ZAN: variants seen among roughly 807,000 people sequenced by gnomAD.
The protein encoded by ZAN is zonadhesin (gene/pseudogene).
ZAN carries 260 observed loss-of-function variants against 286.2 expected under a neutral mutation model. The observed-to-expected ratio is 0.91, with a 90% CI of 0.82 to 1.01. The LOEUF is 1.01. Ranked by LOEUF, ZAN falls within the 50% of genes least tolerant of loss-of-function variation. The pLI is 0.00. For synonymous variants in ZAN, 1,368 were observed against 1,417.5 expected (o/e 0.97, Z 0.79); for missense variants, 3,410 against 3,639.2 (o/e 0.94, Z 1.62).
chr7:100,793,928 G>C lies in ZAN; in HGVS notation c.7896G>C (p.Arg2632Ser), dbSNP rs778439945. The C allele has an allele frequency of 2.5e-6, 4 of 1,613,838 alleles. No individual in the cohort carries two copies. Among genetic ancestry groups the C allele is most frequent in the African/African-American group, 2.7e-5 (2 of 74,942 alleles). Reference sequence around the variant, plus strand: ...GACTGCGAGGGCCCCTGCGTGGAAGGCTGCGCCAGCATCCCAGGCTATGCC... The same window carrying C: ...GACTGCGAGGGCCCCTGCGTGGAAGCCTGCGCCAGCATCCCAGGCTATGCC... ...PRGLRGPLRG[R>S]LRQHPRLCLQ... The change falls in exon 43 of 48, where the codon AGG (arginine) becomes AGC (serine). Residue 2632 changes from arginine to serine, a missense_variant. Around this residue, in one of 7 missense-constraint regions of ZAN, gnomAD observed 1,289 missense variants for 1,314.3 expected, o/e 0.98. Transcript: ENST00000613979.
rs140799833 is a variant in ZAN, at chr7:100,785,483, G to A, written c.6835-514G>A. Among the ~76,000 whole-genome samples, 1,156 of 151,950 alleles carry A rather than the reference G, an allele frequency of 7.6e-3. 2 individuals are homozygous for A. The highest frequency in any genetic ancestry group is 0.013 in the Non-Finnish European group (871 of 67,966). ...TGACCTCAAGTGATCTGCCCGCCTT[G>A]GCCTCCCAAAGTACTAAGATTACAG... On this transcript the variant is annotated intron_variant, in intron 36 of 47. Coordinates refer to ENST00000613979, the MANE Select transcript of ZAN (RefSeq NM_003386.3).
intron 42 of ZAN, 36 bp downstream of exon 42, chr7:100,792,515 T>G (rs761243586): frequency 1.4e-5 from 23 of 1,612,248 alleles, no homozygotes; most frequent in Admixed American, 1.3e-4. Context: ...GGCGCTGCCC[T>G]GGCTGGCTGG....
chr7:100,795,164 C>T (rs755867067), intron 44 of ZAN, 32 bp from the exon 45 acceptor site: 21 of 1,591,420 alleles, frequency 1.3e-5, no homozygotes, highest in Admixed American at 1.7e-5. Context: ...CCTCCCAGGG[C>T]CCCCCTCCCA....
intron 21 of ZAN, 24 bp from the exon 22 acceptor site, chr7:100,764,003 C>G (rs772978538): frequency 1.9e-6 from 3 of 1,613,864 alleles, no homozygotes; most frequent in Non-Finnish European, 2.5e-6. Context: ...ACTGCATTCC[C>G]CCTGACTTGG....
Position 100,763,844 on chromosome 7 carries a change from A to G in ZAN, c.4025A>G (p.Asp1342Gly). 1 of 1,613,984 alleles carries G rather than the reference A, an allele frequency of 6.2e-7. No individual in the cohort carries two copies. The highest frequency in any genetic ancestry group is 8.5e-7 in the Non-Finnish European group (1 of 1,179,886). Reference sequence around the variant, plus strand: ...CAGGTGGTGAATTCCCCGTCTTGTGATTCATCTCTGCAGAGCAGCATGTCG... The same window carrying G: ...CAGGTGGTGAATTCCCCGTCTTGTGGTTCATCTCTGCAGAGCAGCATGTCG... ...KYQVVNSPSC[D>G]SSLQSSMSGP... The change falls in exon 21 of 48, where the codon GAT becomes GGT. Residue 1342 changes from aspartate to glycine, a missense_variant. Coordinates refer to ENST00000613979, the MANE Select transcript of ZAN (RefSeq NM_003386.3). This position sits in a 1 kb window ranked among gnomAD's most constrained non-coding sequence, Gnocchi z 4.6.
chr7:100,734,321 C>T, intron 2 of ZAN, 100 bp downstream of exon 2: 1 of 890,568 alleles, frequency 1.1e-6, no homozygotes, highest in Non-Finnish European at 1.6e-6. Flanking sequence ...AGGCTAACTA[C>T]AAAAGATCTG....
chr7:100,744,944 C>T lies in ZAN; in HGVS notation c.767-1594C>T, dbSNP rs374767248. On this transcript the variant is annotated intron_variant, in intron 7 of 47. Transcript: ENST00000613979. ...TGTCGCCCAGGCTGGAGTGCGGTGA[C>T]GCGATCTCAGCTCACTGCAACCTCC... is the stretch of plus-strand genomic sequence containing the variant. 4.4e-4 allele frequency among the ~76,000 whole-genome samples: 67 copies of T among 150,900 alleles called. 1 individual carries two copies. In the East Asian group the frequency reaches 9.2e-3, roughly 21 times the overall value.
chr7:100,748,024 G>A (rs1394612108), intron 9 of ZAN, 113 bp from the exon 10 acceptor site: 1 of 822,960 alleles, frequency 1.2e-6, no homozygotes, highest in Non-Finnish European at 2.0e-6. Context: ...CTGAATTGAG[G>A]GTCTGGGCAC....
chr7:100,788,145 T>C lies in ZAN; in HGVS notation c.7227+9T>C. On this transcript the variant is annotated intron_variant, in intron 38 of 47. Transcript: ENST00000613979. ...CTGGTCTGGAGCTTGTGGTAAGAGC[T>C]GGGCCAGGGCCTGGTGGGTGTGGGG... 1 of 1,476,416 alleles carries C rather than the reference T, an allele frequency of 6.8e-7. No homozygotes were observed. The highest frequency in any genetic ancestry group is 9.1e-7 in the Non-Finnish European group (1 of 1,099,516). The allele number at this position is 1,476,416 out of a possible 1,614,324, so 91.5% of individuals were successfully genotyped here.
intron 34 of ZAN, among the ~76,000 whole-genome samples, chr7:100,778,519 G>A (rs1396470278): frequency 6.6e-6 from 1 of 151,928 alleles, no homozygotes; most frequent in Admixed American, 6.6e-5. Flanking sequence ...GAGGTGGGAC[G>A]ATCCCTTGGG....
In ZAN at chr7:100,786,046, C is replaced by G. The variant is rs768337013; in HGVS notation, c.6884C>G (p.Thr2295Arg). Residue 2295 changes from threonine to arginine, a missense_variant, in exon 37 of 48, where the codon ACG becomes AGG. Physicochemically the swap from Thr to Arg is moderately conservative, Grantham distance 71. Transcript: ENST00000613979. ...SSGCTEKCVC[T>R]GGAIQCGDFR... ...GGTTGCACGGAGAAGTGTGTCTGCA[C>G]GGGAGGAGCCATTCAGTGCGGGGAC... The G allele has an allele frequency of 7.4e-6, 12 of 1,613,944 alleles. No individual in the cohort carries two copies. Among genetic ancestry groups the G allele is most frequent in the East Asian group, 2.2e-5 (1 of 44,878 alleles).
chr7:100,750,628 G>T lies in ZAN; in HGVS notation c.1253G>T (p.Gly418Val), dbSNP rs780901682. Residue 418 changes from glycine to valine, a missense_variant, in exon 12 of 48, where the codon GGT becomes GTT. Coordinates refer to ENST00000613979, the MANE Select transcript of ZAN (RefSeq NM_003386.3). ...CCTGTTCCCTTCCTTTGCCTAGGGG[G>T]TCACTATATCTACCTTGAGGCTGAC... The part of the protein sequence containing the change: ...GPAGGFPNAG[G>V]HYIYLEADEF... 2.5e-6 allele frequency: 4 copies of T among 1,613,126 alleles called. No individual in the cohort carries two copies. Among genetic ancestry groups the T allele is most frequent in the South Asian group, 2.2e-5 (2 of 90,816 alleles).
Position 100,764,108 on chromosome 7 carries a change from C to T in ZAN, c.4179C>T (p.His1393=). 1 of 1,613,488 alleles carries T rather than the reference C, an allele frequency of 6.2e-7. No individual in the cohort carries two copies. The highest frequency in any genetic ancestry group is 8.5e-7 in the Non-Finnish European group (1 of 1,179,712). The stretch of plus-strand genomic sequence containing the variant: ...TGTGCGGATTCCAGGGGCTGCAGCA[C>T]CTGCTGTGCACACACATGTCCACCA... ...LDMCGFQGLQ[H]LLCTHMSTMT... Residue 1393 remains histidine, a synonymous_variant, in exon 22 of 48, where the codon CAC becomes CAT. Transcript: ENST00000613979.
At chr7:100,788,273 G>A (rs562202974) in intron 38 of ZAN, 137 bp downstream of exon 38, 44 of 1,256,220 alleles carry the variant, frequency 3.5e-5, no homozygotes, top group Middle Eastern at 3.0e-4. Context: ...AGAGTCAGCA[G>A]GACGCAGTGG....
At position 100,792,101 on chromosome 7, in the gene ZAN, C is replaced by A; in HGVS notation, c.7665C>A (p.Gly2555=). The change falls in exon 41 of 48, where the codon GGC becomes GGA. Residue 2555 remains glycine, a synonymous_variant. Coordinates refer to ENST00000613979, the MANE Select transcript of ZAN (RefSeq NM_003386.3). ...QACRVLADPQ[G]PFAACHQTVA... ...GTAGGGTGCTGGCAGACCCCCAGGG[C>A]CCCTTTGCTGCCTGTCACCAGACGG... The A allele has an allele frequency of 6.2e-7, 1 of 1,612,640 alleles. No individual in the cohort carries two copies. The highest frequency in any genetic ancestry group is 1.3e-5 in the African/African-American group (1 of 75,018).
intron 29 of ZAN, 33 bp downstream of exon 29, chr7:100,772,053 T>C (rs755700358): frequency 1.4e-5 from 22 of 1,544,856 alleles, no homozygotes; most frequent in Non-Finnish European, 1.7e-6. Context: ...CCACAGCCCA[T>C]AGGCACCCTC....
At position 100,779,562 on chromosome 7, in the gene ZAN, T is replaced by C; in HGVS notation, c.6434T>C (p.Leu2145Pro). The C allele has an allele frequency of 6.2e-7, 1 of 1,610,890 alleles. No homozygotes were observed. Residue 2145 changes from leucine (L) to proline (P), a missense_variant, in exon 35 of 48, where the codon CTC becomes CCC. Around this residue, in one of 7 missense-constraint regions of ZAN, gnomAD observed 1,289 missense variants for 1,314.3 expected, o/e 0.98. Coordinates refer to ENST00000613979, the MANE Select transcript of ZAN (RefSeq NM_003386.3). The stretch of plus-strand genomic sequence containing the variant: ...GCGCGGGAAAAGTGCGAGGCAGCGC[T>C]CCGGGCTCCTGTGTGGGCCCAGTGC... ...RRAREKCEAA[L>P]RAPVWAQCAS...
At chr7:100,773,583 G>C in intron 30 of ZAN, 90 bp downstream of exon 30, 2 of 1,555,506 alleles carry the variant, frequency 1.3e-6, no homozygotes, top group Non-Finnish European at 1.7e-6. Context: ...GGAAGGCTCA[G>C]AACCTGGGAG....
At position 100,784,633 on chromosome 7, in the gene ZAN, C is replaced by A. The variant is rs1811437894; in HGVS notation, c.6633C>A (p.Cys2211Ter). 2 of 1,613,660 alleles carry A rather than the reference C, an allele frequency of 1.2e-6. No homozygotes were observed. The highest frequency in any genetic ancestry group is 2.2e-5 in the South Asian group (2 of 91,066). The change falls in exon 36 of 48, where the codon TGC becomes TGA. Residue 2211 changes from cysteine to a stop codon, truncating the protein, a stop_gained. Transcript: ENST00000613979. LOFTEE classifies it high-confidence loss of function. ...CTCCTTCACCCACAGCTCTGGAATG[C>A]CCTGCCTACAGCAGCTACACCAACT... The part of the protein sequence containing the change: ...WRNSSFCPLE[C>*]PAYSSYTNCL...
Sources: gnomAD v4.1 joint callset for allele counts (sites outside exome capture counted in the v4.1 genomes callset) on GRCh38, gnomAD v4.1.1 for gene constraint, gnomAD v4.1.1 regional missense constraint, Gnocchi (gnomAD v3.1) non-coding constraint, MANE v1.5 for transcripts, NCBI Gene and HGNC (gene_info 2026-07-23, HGNC 2026-07-21) for gene names.